GRIK4: variants seen among roughly 807,000 people sequenced by gnomAD.
GRIK4 encodes glutamate ionotropic receptor kainate type subunit 4, also known as glutamate receptor ionotropic, kainate 4.
GRIK4 carries 40 observed loss-of-function variants against 104.9 expected under a neutral mutation model. The observed-to-expected ratio is 0.38, with a 90% CI of 0.30 to 0.50. The LOEUF (loss-of-function observed/expected upper bound fraction) is 0.50, where lower values mean the gene tolerates loss of function less well. Among genes scored for constraint, GRIK4 ranks in the 20% least tolerant of loss-of-function variants. GRIK4 has a pLI of 0.93. For synonymous variants in GRIK4, 485 were observed against 524.9 expected, an observed-to-expected ratio of 0.92 and a Z score of 1.04; for missense variants, 1,047 against 1,308.1, an observed-to-expected ratio of 0.80 and a Z score of 3.08.
At chr11:120,814,681 T>G (rs2135532423) in intron 4 of GRIK4, among the ~76,000 whole-genome samples, 1 of 152,208 alleles carries the variant, frequency 6.6e-6, no homozygotes, top group African/African-American at 2.4e-5. Context: ...GAGCGAGTGT[T>G]CAGTCCAGGA....
At chr11:120,683,192 G>A (rs1950225024) in intron 3 of GRIK4, among the ~76,000 whole-genome samples, 1 of 152,162 alleles carries the variant, frequency 6.6e-6, no homozygotes, top group Non-Finnish European at 1.5e-5. Context: ...AATGGCTTTA[G>A]GTACTATTTC....
At chr11:120,661,863 C>T (rs1387733618) in intron 3 of GRIK4, among the ~76,000 whole-genome samples, 1 of 152,130 alleles carries the variant, frequency 6.6e-6, no homozygotes, top group Non-Finnish European at 1.5e-5. Context: ...CAAAATTTTC[C>T]CTCCCTCTTC....
chr11:120,794,412 C>T (rs890737906), intron 3 of GRIK4, among the ~76,000 whole-genome samples: 6 of 151,906 alleles, frequency 3.9e-5, no homozygotes, highest in African/African-American at 1.5e-4. Flanking sequence ...TTAGGGGCTA[C>T]GTTGTCTCCT....
chr11:120,604,625 G>A (rs963836062), intron 1 of GRIK4, among the ~76,000 whole-genome samples: 1 of 152,170 alleles, frequency 6.6e-6, no homozygotes, highest in Admixed American at 6.5e-5. Context: ...ACATGGGAGT[G>A]GTGAGAAACA....
At chr11:120,538,531 A>G (rs1565542724) in intron 1 of GRIK4, among the ~76,000 whole-genome samples, 1 of 152,294 alleles carries the variant, frequency 6.6e-6, no homozygotes, top group East Asian at 1.9e-4. Context: ...CAATTTTCAC[A>G]TTAGTAATGA....
chr11:120,896,668 C>G (rs1942590985), intron 11 of GRIK4, among the ~76,000 whole-genome samples: 1 of 152,306 alleles, frequency 6.6e-6, no homozygotes, highest in African/African-American at 2.4e-5. Flanking sequence ...GGAGCCACTC[C>G]CTCTCACTCT....
chr11:120,805,756 G>A (rs1952698475), intron 4 of GRIK4, among the ~76,000 whole-genome samples: 1 of 152,178 alleles, frequency 6.6e-6, no homozygotes, highest in African/African-American at 2.4e-5. Context: ...CCAAAGTAAG[G>A]GGGCAGGTGG....
At position 120,986,239 on chromosome 11, in the gene GRIK4, C is replaced by G; in HGVS notation, c.2850C>G (p.Thr950=). The G allele has an allele frequency of 1.9e-6, 3 of 1,560,320 alleles. No homozygotes were observed. The East Asian group carries it at 7.6e-5, about 39-fold the overall frequency. ...SEESLEWEKT[T]NSSEPE Reference sequence around the variant, plus strand: ...AGAGCCTGGAGTGGGAGAAAACCACCAACAGCAGCGAGCCCGAGTAGTCCC... The same window carrying G: ...AGAGCCTGGAGTGGGAGAAAACCACGAACAGCAGCGAGCCCGAGTAGTCCC... Residue 950 remains threonine (T), a synonymous_variant, in exon 21 of 21, where the codon ACC becomes ACG. Coordinates refer to ENST00000527524, the MANE Select transcript of GRIK4 (RefSeq NM_014619.5).
At chr11:120,675,697 G>A (rs543597677) in intron 3 of GRIK4, among the ~76,000 whole-genome samples, 1 of 152,190 alleles carries the variant, frequency 6.6e-6, no homozygotes, top group Admixed American at 6.5e-5. Context: ...GTGATCTTGG[G>A]CAAATTATTT....
At chr11:120,812,421 A>G (rs1398799935) in intron 4 of GRIK4, among the ~76,000 whole-genome samples, 1 of 152,256 alleles carries the variant, frequency 6.6e-6, no homozygotes, top group Non-Finnish European at 1.5e-5. Flanking sequence ...AGTGGAGATA[A>G]AAATGAATTT....
chr11:120,524,854 G>A lies in GRIK4; in HGVS notation c.-159+12967G>A, dbSNP rs1947839198. The stretch of plus-strand genomic sequence containing the variant: ...CAGGTCAGGATTGGGTACTGTGGTG[G>A]CAGAGAGCCCCAGGAAGAGGTCGCC... On this transcript the variant is annotated intron_variant, in intron 1 of 20. Transcript: ENST00000527524. The surrounding 1 kb of genome is among the most constrained non-coding windows in gnomAD (Gnocchi z 4.5). 6.6e-6 allele frequency among the ~76,000 whole-genome samples: 1 copy of A among 152,170 alleles called. No individual in the cohort carries two copies. Among genetic ancestry groups the A allele is most frequent in the South Asian group, 2.1e-4 (1 of 4,816 alleles).
intron 1 of GRIK4, among the ~76,000 whole-genome samples, chr11:120,523,533 A>G (rs1269972200): frequency 6.6e-6 from 1 of 152,090 alleles, no homozygotes; most frequent in Non-Finnish European, 1.5e-5. Flanking sequence ...CTGCTTCTCC[A>G]GTTGCCATCC....
chr11:120,700,811 C>T (rs1176240729), intron 3 of GRIK4, among the ~76,000 whole-genome samples: 6 of 152,234 alleles, frequency 3.9e-5, no homozygotes, highest in African/African-American at 9.6e-5. Flanking sequence ...AGGCTGGTGT[C>T]GAACTTCTGA....
At chr11:120,750,761 A>G (rs2135423423) in intron 3 of GRIK4, among the ~76,000 whole-genome samples, 1 of 152,304 alleles carries the variant, frequency 6.6e-6, no homozygotes, top group East Asian at 1.9e-4. Flanking sequence ...AATTAATGTC[A>G]TAATAATCTA....
At chr11:120,862,214 C>A in intron 9 of GRIK4, 94 bp downstream of exon 9, 2 of 1,026,436 alleles carry the variant, frequency 1.9e-6, no homozygotes, top group Non-Finnish European at 2.9e-6. Flanking sequence ...TTCTTGGAGT[C>A]CAGCCGTCTC....
intron 3 of GRIK4, among the ~76,000 whole-genome samples, chr11:120,667,457 G>A (rs1429913655): frequency 2.0e-5 from 3 of 152,272 alleles, no homozygotes; most frequent in Non-Finnish European, 2.9e-5. Context: ...GCGTGGGCGG[G>A]ACGCGTGCGT....
chr11:120,951,579 T>G (rs1331212795), intron 14 of GRIK4, among the ~76,000 whole-genome samples: 1 of 152,246 alleles, frequency 6.6e-6, no homozygotes, highest in African/African-American at 2.4e-5. Flanking sequence ...TTTTCAGTCC[T>G]ATCCATGGAC....
At chr11:120,579,233 C>A (rs983269862) in intron 1 of GRIK4, among the ~76,000 whole-genome samples, 2 of 152,008 alleles carry the variant, frequency 1.3e-5, no homozygotes, top group South Asian at 2.1e-4. Context: ...TAACCCCCCC[C>A]CCTTTTTTTG....
At chr11:120,975,507 A>T (rs1475332960) in intron 19 of GRIK4, among the ~76,000 whole-genome samples, 3 of 152,216 alleles carry the variant, frequency 2.0e-5, no homozygotes, top group Non-Finnish European at 4.4e-5. Context: ...TGGCCCCATG[A>T]GTCTGCAACA....
Sources: allele counts gnomAD v4.1 joint callset (sites outside exome capture counted in the v4.1 genomes callset), GRCh38; gene constraint gnomAD v4.1.1; non-coding constraint Gnocchi (gnomAD v3.1); transcripts MANE v1.5; gene names NCBI Gene and HGNC (gene_info 2026-07-23, HGNC 2026-07-21).